Variants in CAPZA1 observed in about 807,000 individuals in gnomAD.
CAPZA1 encodes capping actin protein of muscle Z-line subunit alpha 1.
CAPZA1 carries 10 observed loss-of-function variants against 40.8 expected under a neutral mutation model. The observed-to-expected ratio is 0.25, with a 90% CI of 0.15 to 0.42. The LOEUF is 0.42. Ranked by LOEUF, CAPZA1 falls within the 10% of genes least tolerant of loss-of-function variation. The probability of loss-of-function intolerance (pLI) is 1.00; values close to 1 mark genes in which losing one functional copy is unlikely to be tolerated. For missense variants in CAPZA1, 277 were observed against 353.8 expected (o/e 0.78, Z 1.74); for synonymous variants, 98 against 115.0 (o/e 0.85, Z 0.95).
intron 1 of CAPZA1, among the ~76,000 whole-genome samples, chr1:112,638,240 G>A (rs1406843806): frequency 6.6e-6 from 1 of 152,176 alleles, no homozygotes; most frequent in Non-Finnish European, 1.5e-5. Flanking sequence ...CCTGAGGCAT[G>A]AGTGTAGCTG....
chr1:112,659,330 AAAATCTGAGTTTT>A, intron 6 of CAPZA1: 1 of 549,130 alleles, frequency 1.8e-6, no homozygotes, highest in Non-Finnish European at 3.2e-6. Flanking sequence ...TGCCCTGTTG[AAAATCTGAGTTTT>A]ACTTGGCTTA....
At chr1:112,631,897 A>T (rs1332689287) in intron 1 of CAPZA1, among the ~76,000 whole-genome samples, 1 of 152,130 alleles carries the variant, frequency 6.6e-6, no homozygotes, top group Non-Finnish European at 1.5e-5. Flanking sequence ...TGTGTTGTAA[A>T]TGTTATGCTT....
At chr1:112,669,848 T>C (rs1223860200) in intron 9 of CAPZA1, 144 bp from the exon 10 acceptor site, 1 of 909,994 alleles carries the variant, frequency 1.1e-6, no homozygotes, top group East Asian at 2.6e-5. Context: ...ACTTCAGAGA[T>C]TGGAGAGGAG....
At chr1:112,668,979 C>G (rs1434667625) in intron 8 of CAPZA1, among the ~76,000 whole-genome samples, 1 of 152,204 alleles carries the variant, frequency 6.6e-6, no homozygotes, top group Non-Finnish European at 1.5e-5. Context: ...AAATCCTACC[C>G]TCTTCCCTTT....
chr1:112,655,536 T>TTTGTTGTTGTTTTTGCTG (rs1383819304), intron 5 of CAPZA1, among the ~76,000 whole-genome samples: 18 of 151,966 alleles, frequency 1.2e-4, no homozygotes, highest in Admixed American at 1.1e-3. Flanking sequence ...TGATTTTCTT[T>TTTGTTGTTGTTTTTGCTG]TTGTTGTTGT....
At chr1:112,631,398 A>G (rs1670913820) in intron 1 of CAPZA1, among the ~76,000 whole-genome samples, 1 of 152,204 alleles carries the variant, frequency 6.6e-6, no homozygotes, top group South Asian at 2.1e-4. Flanking sequence ...GGTTCTTAAA[A>G]CAGTCCTAGA....
At chr1:112,640,424 GGCCGCCCCTACTGGGAAGTGAGGA>G in intron 1 of CAPZA1, among the ~76,000 whole-genome samples, 1 of 123,796 alleles carries the variant, frequency 8.1e-6, no homozygotes, top group African/African-American at 3.2e-5. Flanking sequence ...GCCTCTGCCC[GGCCGCCCCTACTGGGAAGTGAGGA>G]GCCCCTCTGC....
intron 1 of CAPZA1, among the ~76,000 whole-genome samples, chr1:112,630,366 G>T (rs1670897235): frequency 1.3e-5 from 2 of 151,302 alleles, no homozygotes; most frequent in African/African-American, 4.9e-5. Flanking sequence ...ATTTTTGTTA[G>T]AGAGTCTCAC....
intron 3 of CAPZA1, chr1:112,649,735 G>T: frequency 2.2e-6 from 1 of 462,324 alleles, no homozygotes; most frequent in Admixed American, 4.2e-5. Context: ...TAGCTGTTAG[G>T]TTTTCCTTTA....
intron 5 of CAPZA1, among the ~76,000 whole-genome samples, chr1:112,657,592 ATTCT>A (rs1460899336): frequency 6.6e-6 from 1 of 151,582 alleles, no homozygotes; most frequent in African/African-American, 2.4e-5. Flanking sequence ...GCAACCCCTA[ATTCT>A]TTTTTTTTTT....
intron 5 of CAPZA1, among the ~76,000 whole-genome samples, chr1:112,656,873 T>A (rs1392049847): frequency 6.6e-6 from 1 of 152,000 alleles, no homozygotes; most frequent in Non-Finnish European, 1.5e-5. Flanking sequence ...TAATCCCCCA[T>A]GTTTTGTAAG....
chr1:112,648,063 C>G (rs930644192), intron 2 of CAPZA1, among the ~76,000 whole-genome samples: 1 of 152,050 alleles, frequency 6.6e-6, no homozygotes, highest in Non-Finnish European at 1.5e-5. Context: ...GTTAGCTACT[C>G]GAGAGGAACT....
intron 7 of CAPZA1, among the ~76,000 whole-genome samples, chr1:112,661,824 C>CA (rs1671618926): frequency 6.6e-6 from 1 of 152,198 alleles, no homozygotes; most frequent in Admixed American, 6.5e-5. Context: ...GCCCAGTGTA[C>CA]AGACCCACAT....
chr1:112,623,372 T>A (rs1487349622), intron 1 of CAPZA1, among the ~76,000 whole-genome samples: 1 of 152,190 alleles, frequency 6.6e-6, no homozygotes, highest in East Asian at 1.9e-4. Flanking sequence ...GAGGTATTCA[T>A]ATAATCTGTT....
intron 2 of CAPZA1, among the ~76,000 whole-genome samples, chr1:112,649,124 A>G (rs1355424781): frequency 1.3e-5 from 2 of 152,242 alleles, no homozygotes; most frequent in Non-Finnish European, 2.9e-5. Flanking sequence ...TTCTTAATCT[A>G]TGCTCATATT....
chr1:112,619,837 A>G lies in CAPZA1; in HGVS notation c.-8A>G. 1 of 1,612,422 alleles carries G rather than the reference A, an allele frequency of 6.2e-7. No homozygotes were observed. The highest frequency in any genetic ancestry group is 8.5e-7 in the Non-Finnish European group (1 of 1,179,190). ...GCCCGTAGCCGGGCTGGGCCAGAAC[A>G]GCCCAAGATGGCCGACTTCGATGAT... is the stretch of plus-strand genomic sequence containing the variant. On this transcript the variant is annotated 5_prime_UTR_variant, in exon 1 of 10. Transcript: ENST00000263168.
chr1:112,669,914 T>C (rs1469594278), intron 9 of CAPZA1, 78 bp from the exon 10 acceptor site: 1 of 1,510,952 alleles, frequency 6.6e-7, no homozygotes, highest in Non-Finnish European at 9.2e-7. Flanking sequence ...AGCATATCCA[T>C]TGACTATAGC....
chr1:112,649,663 A>ATATACTTACATATACT (rs1186454173), intron 3 of CAPZA1, 194 bp downstream of exon 3: 21 of 583,684 alleles, frequency 3.6e-5, no homozygotes, highest in Non-Finnish European at 5.7e-5. Context: ...AAAGCTTACT[A>ATATACTTACATATACT]TAATATATGA....
chr1:112,629,749 G>A (rs1202683085), intron 1 of CAPZA1, among the ~76,000 whole-genome samples: 1 of 152,214 alleles, frequency 6.6e-6, no homozygotes, highest in Non-Finnish European at 1.5e-5. Flanking sequence ...ACTGCTATCT[G>A]ACTTACCTTA....
Sources: gnomAD v4.1 joint callset for allele counts (sites outside exome capture counted in the v4.1 genomes callset) on GRCh38, gnomAD v4.1.1 for gene constraint, MANE v1.5 for transcripts, NCBI Gene and HGNC (gene_info 2026-07-23, HGNC 2026-07-21) for gene names.